PDE1A: variants seen among roughly 807,000 people sequenced by gnomAD.
PDE1A encodes the protein dual specificity calcium/calmodulin-dependent 3',5'-cyclic nucleotide phosphodiesterase 1A.
Under a neutral mutation model 61.7 loss-of-function variants are expected in PDE1A, and 35 were observed. The observed-to-expected ratio is 0.57, with a 90% CI of 0.43 to 0.75. The LOEUF is 0.75. Among genes scored for constraint, PDE1A ranks in the 30% least tolerant of loss-of-function variants. The pLI is 0.00. For synonymous variants in PDE1A, 232 were observed against 213.2 expected, an observed-to-expected ratio of 1.09 and a Z score of -0.77; for missense variants, 597 against 630.6, an observed-to-expected ratio of 0.95 and a Z score of 0.57.
chr2:182,206,422 A>C (rs989255622), intron 7 of PDE1A, among the ~76,000 whole-genome samples: 1 of 152,166 alleles, frequency 6.6e-6, no homozygotes, highest in Non-Finnish European at 1.5e-5. Flanking sequence ...TCCAATGTCC[A>C]CAGTTTACAT....
chr2:182,409,197 C>A (rs183781862), intron 1 of PDE1A, among the ~76,000 whole-genome samples: 8 of 152,276 alleles, frequency 5.3e-5, no homozygotes, highest in African/African-American at 1.7e-4. Flanking sequence ...CCTTTTTCCA[C>A]GTCGATTAGC....
At chr2:182,562,415 A>G in the PDE1A span, among the ~76,000 whole-genome samples, 6 of 149,800 alleles carry the variant, frequency 4.0e-5, no homozygotes, top group South Asian at 1.1e-3. Flanking sequence ...CCACTTGATC[A>G]TGGTGGATAA....
At chr2:182,469,236 T>C (rs1686871788) in intron 2 of PDE1A, among the ~76,000 whole-genome samples, 1 of 152,000 alleles carries the variant, frequency 6.6e-6, no homozygotes, top group African/African-American at 2.4e-5. Flanking sequence ...TCATCTACAC[T>C]GAAAATCTGT....
In PDE1A at chr2:182,161,761, C is replaced by T. The variant is rs928523849; in HGVS notation, c.1517-14609G>A. 5.9e-5 allele frequency among the ~76,000 whole-genome samples: 9 copies of T among 152,004 alleles called. No homozygotes were observed. The East Asian group carries it at 7.7e-4, about 13-fold the overall frequency. On this transcript the variant is annotated intron_variant, in intron 13 of 13. Coordinates refer to the PDE1A transcript ENST00000409365. ...TACCAGCAGAAATCCAAGAAACATG[C>T]GTGGGAATGGATATTAAGGATGTGG...
intron 1 of PDE1A, among the ~76,000 whole-genome samples, chr2:182,425,060 T>C (rs1703524234): frequency 6.6e-6 from 1 of 152,214 alleles, no homozygotes; most frequent in Admixed American, 6.5e-5. Context: ...CACCTAAGCA[T>C]ATAATTAATT....
intron 2 of PDE1A, among the ~76,000 whole-genome samples, chr2:182,444,028 A>G (rs1267064333): frequency 2.6e-5 from 4 of 152,002 alleles, no homozygotes; most frequent in African/African-American, 4.8e-5. Flanking sequence ...ATAAACTATC[A>G]AGTCTCAGGT....
chr2:182,531,159 C>G, the PDE1A span, among the ~76,000 whole-genome samples: 1 of 149,980 alleles, frequency 6.7e-6, no homozygotes, highest in African/African-American at 2.4e-5. Flanking sequence ...ATAGATGAAT[C>G]AAAATAAAAT....
At chr2:182,475,884 G>A (rs143921576) in intron 2 of PDE1A, among the ~76,000 whole-genome samples, 140 of 151,980 alleles carry the variant, frequency 9.2e-4, no homozygotes, top group African/African-American at 3.2e-3. Flanking sequence ...TGGTTTCTGA[G>A]ATAACATAGT....
intron 1 of PDE1A, among the ~76,000 whole-genome samples, chr2:182,287,609 C>T (rs1237842988): frequency 6.6e-6 from 1 of 151,888 alleles, no homozygotes; most frequent in East Asian, 1.9e-4. Flanking sequence ...CACTTTCATC[C>T]CACCAACCAA....
rs1198836181 is a variant in PDE1A at position 182,189,069 on chromosome 2, A to G, written c.1126-9T>C. 1 of 1,597,648 alleles carries G rather than the reference A, an allele frequency of 6.3e-7. No homozygotes were observed. The highest frequency in any genetic ancestry group is 8.6e-7 in the Non-Finnish European group (1 of 1,165,950). On this transcript the variant is annotated splice_polypyrimidine_tract_variant and intron_variant, in intron 10 of 13. Coordinates refer to ENST00000351439, the Ensembl canonical transcript of PDE1A. ...TCAGCTTCTTTATCTCCCTGGAGAA[A>G]GAAAAGCACATTAATATAGACTTGG...
At chr2:182,518,566 T>A (rs1690360423) in intron 2 of PDE1A, among the ~76,000 whole-genome samples, 1 of 152,198 alleles carries the variant, frequency 6.6e-6, no homozygotes, top group Non-Finnish European at 1.5e-5. Flanking sequence ...AGGAGGTATG[T>A]GTCGAGACGT....
chr2:182,658,073 C>CCAA, the PDE1A span, among the ~76,000 whole-genome samples: 6 of 119,566 alleles, frequency 5.0e-5, no homozygotes, highest in African/African-American at 6.8e-5. Flanking sequence ...AAAAAAAAAA[C>CCAA]AAAAAAACTT....
At chr2:182,283,424 C>A (rs1693950429) in intron 1 of PDE1A, among the ~76,000 whole-genome samples, 2 of 151,812 alleles carry the variant, frequency 1.3e-5, no homozygotes, top group South Asian at 4.2e-4. Flanking sequence ...CACACATACA[C>A]ACACACACAC....
chr2:182,200,405 G>A (rs1264292275), intron 10 of PDE1A, among the ~76,000 whole-genome samples: 2 of 152,162 alleles, frequency 1.3e-5, no homozygotes, highest in Admixed American at 1.3e-4. Flanking sequence ...ATGTCCAATG[G>A]TTTAATCAAC....
chr2:182,430,203 C>T (rs1703862636), upstream of PDE1A, among the ~76,000 whole-genome samples: 1 of 149,566 alleles, frequency 6.7e-6, no homozygotes, highest in East Asian at 2.0e-4. Context: ...TCGCAACCTA[C>T]TCATCTGACA....
At chr2:182,576,199 C>T in the PDE1A span, among the ~76,000 whole-genome samples, 1 of 151,950 alleles carries the variant, frequency 6.6e-6, no homozygotes, top group Non-Finnish European at 1.5e-5. Context: ...AACTCTGCAC[C>T]CATGAATCCA....
chr2:182,514,313 G>A (rs930232111), intron 2 of PDE1A, among the ~76,000 whole-genome samples: 4 of 152,046 alleles, frequency 2.6e-5, no homozygotes, highest in Admixed American at 6.6e-5. Context: ...ATTTTTCACA[G>A]AATTAGAAAA....
intron 13 of PDE1A, among the ~76,000 whole-genome samples, chr2:182,169,912 A>G (rs150765350): frequency 0.31 from 35,959 of 116,702 alleles, 5,249 homozygotes; most frequent in East Asian, 0.4. Context: ...ACACACACAC[A>G]CACACACACG....
the PDE1A span, among the ~76,000 whole-genome samples, chr2:182,554,217 G>C: frequency 6.6e-6 from 1 of 152,106 alleles, no homozygotes; most frequent in Non-Finnish European, 1.5e-5. Flanking sequence ...GAGATCATTT[G>C]TTTGGAAACC....
Sources: allele counts gnomAD v4.1 joint callset (sites outside exome capture counted in the v4.1 genomes callset), GRCh38; gene constraint gnomAD v4.1.1; transcripts MANE v1.5; gene names NCBI Gene and HGNC (gene_info 2026-07-23, HGNC 2026-07-21).